MGA: variants seen among roughly 807,000 people sequenced by gnomAD.
MGA encodes MAX dimerization protein MGA.
MGA carries 40 observed loss-of-function variants against 261.1 expected under a neutral mutation model. The ratio of observed to expected loss-of-function variants is 0.15; its 90% CI spans 0.12 to 0.20. MGA has a LOEUF of 0.20. Ranked by LOEUF, MGA falls within the 10% of genes least tolerant of loss-of-function variation. The probability of loss-of-function intolerance (pLI) is 1.00; values close to 1 mark genes in which losing one functional copy is unlikely to be tolerated. For synonymous variants in MGA, 1,302 were observed against 1,290.6 expected (o/e 1.01, Z -0.19); for missense variants, 3,397 against 3,630.5 (o/e 0.94, Z 1.65).
In MGA at chr15:41,710,864, A is replaced by G. The variant is rs777935722; in HGVS notation, c.2599A>G (p.Thr867Ala). The change falls in exon 8 of 24, where the codon ACA becomes GCA. Residue 867 changes from threonine (T) to alanine (A), a missense_variant. Around this residue, in one of 9 missense-constraint regions of MGA, gnomAD observed 519 missense variants for 554.1 expected, o/e 0.94. Coordinates refer to ENST00000219905, the MANE Select transcript of MGA (RefSeq NM_001164273.2). ...CACTAAGAGTACCAGTTATGTACGA[A>G]CACTTGATAGTGTACTAAAGAAGCA... The G allele has an allele frequency of 6.2e-7, 1 of 1,613,950 alleles. No individual in the cohort carries two copies. Among genetic ancestry groups the G allele is most frequent in the Non-Finnish European group, 8.5e-7 (1 of 1,179,878 alleles).
intron 17 of MGA, chr15:41,750,834 G>T (rs926286106): frequency 2.5e-5 from 11 of 445,938 alleles, no homozygotes; most frequent in Non-Finnish European, 3.9e-5. Context: ...TTATGGGAAG[G>T]CTGGCTTAAA....
chr15:41,744,024 T>C (rs532945570), intron 15 of MGA, among the ~76,000 whole-genome samples: 8 of 152,258 alleles, frequency 5.3e-5, no homozygotes, highest in Admixed American at 2.0e-4. Context: ...GGGGAAATAA[T>C]TAACTAATAG....
At chr15:41,708,305 C>T (rs1209922208) in intron 7 of MGA, 97 bp downstream of exon 7, 10 of 893,152 alleles carry the variant, frequency 1.1e-5, no homozygotes, top group Admixed American at 5.5e-5. Context: ...CATTCCTTCT[C>T]GCCATGGGTT....
At position 41,727,051 on chromosome 15, in the gene MGA, G is replaced by T. The variant is rs574724480; in HGVS notation, c.3431-129G>T. On this transcript the variant is annotated intron_variant, in intron 9 of 23. Transcript: ENST00000219905. ...CTAAATGCCCTTTGTTTGGGGAGGGGGTCGTCTATTTGATTATTTTAACGA... is the reference window on the plus strand; with the variant it reads ...CTAAATGCCCTTTGTTTGGGGAGGGTGTCGTCTATTTGATTATTTTAACGA... 36 of 635,924 alleles carry T rather than the reference G, an allele frequency of 5.7e-5. No individual in the cohort carries two copies. In the Admixed American group the frequency reaches 1.1e-3, roughly 19 times the overall value. 39.4% of individuals were successfully genotyped at this position (635,924 alleles called of 1,614,324 possible).
intron 2 of MGA, among the ~76,000 whole-genome samples, chr15:41,683,986 T>A (rs1041164988): frequency 1.3e-5 from 2 of 152,174 alleles, no homozygotes; most frequent in African/African-American, 2.4e-5. Flanking sequence ...GTTAGTTACA[T>A]ACGGCATGCT....
chr15:41,767,410 G>GGGA lies in MGA; in HGVS notation c.*132_*134dup, dbSNP rs1338240643. 1.1e-6 allele frequency: 1 copy of GGGA among 930,312 alleles called. No homozygotes were observed. Among genetic ancestry groups the GGGA allele is most frequent in the Admixed American group, 2.6e-5 (1 of 38,774 alleles). 57.6% of individuals were successfully genotyped at this position (930,312 alleles called of 1,614,324 possible). On this transcript the variant is annotated 3_prime_UTR_variant, in exon 24 of 24. Transcript: ENST00000219905. The stretch of plus-strand genomic sequence containing the variant: ...CTTCAATGATGCAGTGGATAATGAT[G>GGGA]GGAGAAAGGGGGTAGGGTGCTGACC...
chr15:41,648,643 A>G (rs76113014), intron 1 of MGA, among the ~76,000 whole-genome samples: 5,044 of 152,216 alleles, frequency 0.033, 138 homozygotes, highest in South Asian at 0.081. Flanking sequence ...AAATAGAAAA[A>G]GCAGTGTAAG....
At chr15:41,739,557 T>C (rs1288771348) in intron 13 of MGA, among the ~76,000 whole-genome samples, 10 of 152,232 alleles carry the variant, frequency 6.6e-5, no homozygotes, top group Non-Finnish European at 5.9e-5. Flanking sequence ...ATGAGGTTAA[T>C]AGCTTAACCA....
chr15:41,685,084 A>G (rs1483684722), intron 2 of MGA, among the ~76,000 whole-genome samples: 4 of 152,192 alleles, frequency 2.6e-5, no homozygotes, highest in Non-Finnish European at 5.9e-5. Context: ...GAAAGGGGGA[A>G]GTTGTTTTGG....
At chr15:41,765,145 G>A in intron 23 of MGA, 83 bp downstream of exon 23, 2 of 1,444,782 alleles carry the variant, frequency 1.4e-6, no homozygotes, top group African/African-American at 1.4e-5. Flanking sequence ...CTTTGGATGT[G>A]TTCTGTAATG....
upstream of MGA, among the ~76,000 whole-genome samples, chr15:41,657,339 CTTTTTTTTTTTTTTTTTTTT>C (rs373920516): frequency 1.4e-4 from 15 of 106,920 alleles, no homozygotes; most frequent in Admixed American, 1.9e-4. Flanking sequence ...AGTGAAGGCC[CTTTTTTTTTTTTTTTTTTTT>C]TTTTTTTTTT....
chr15:41,694,501 G>C (rs1292322195), intron 2 of MGA, among the ~76,000 whole-genome samples: 1 of 151,208 alleles, frequency 6.6e-6, no homozygotes, highest in Non-Finnish European at 1.5e-5. Flanking sequence ...TTTTAGAGGA[G>C]GCATCCTGCT....
At chr15:41,692,844 T>G (rs1158915712) in intron 2 of MGA, among the ~76,000 whole-genome samples, 1 of 152,190 alleles carries the variant, frequency 6.6e-6, no homozygotes, top group Admixed American at 6.5e-5. Flanking sequence ...CCCGAGTAGC[T>G]GGGATTACAG....
chr15:41,749,003 T>G (rs982080890), intron 16 of MGA, 76 bp downstream of exon 16: 6 of 1,550,150 alleles, frequency 3.9e-6, no homozygotes, highest in Non-Finnish European at 2.6e-6. Context: ...ACCAAGATTG[T>G]TTTTCTTCAT....
intron 6 of MGA, 79 bp from the exon 7 acceptor site, chr15:41,708,025 T>TA (rs749685835): frequency 2.2e-6 from 3 of 1,388,254 alleles, no homozygotes; most frequent in African/African-American, 1.5e-5. Context: ...CTTACCAAAT[T>TA]AAAGTTTTAT....
chr15:41,724,327 C>A (rs1469340218), intron 9 of MGA, among the ~76,000 whole-genome samples: 1 of 152,162 alleles, frequency 6.6e-6, no homozygotes, highest in Non-Finnish European at 1.5e-5. Flanking sequence ...AAGTACCTAA[C>A]CATATTCCAA....
At chr15:41,654,802 C>G (rs747721724) in intron 1 of MGA, among the ~76,000 whole-genome samples, 1 of 152,194 alleles carries the variant, frequency 6.6e-6, no homozygotes, top group South Asian at 2.1e-4. Flanking sequence ...GCCCGAGCCA[C>G]TGTGCCTGAC....
intron 22 of MGA, among the ~76,000 whole-genome samples, chr15:41,763,550 CCTGA>C (rs148084762): frequency 0.022 from 3,276 of 151,832 alleles, 64 homozygotes; most frequent in Non-Finnish European, 0.029. Context: ...TTGAGACTAG[CCTGA>C]CTAACATGGA....
At chr15:41,641,468 A>G (rs1242935903) in intron 1 of MGA, among the ~76,000 whole-genome samples, 3 of 146,960 alleles carry the variant, frequency 2.0e-5, no homozygotes. Flanking sequence ...GAGAGTTCCA[A>G]TTTTTCTACA....
Sources: gnomAD v4.1 joint callset for allele counts (sites outside exome capture counted in the v4.1 genomes callset) on GRCh38, gnomAD v4.1.1 for gene constraint, gnomAD v4.1.1 regional missense constraint, MANE v1.5 for transcripts, NCBI Gene and HGNC (gene_info 2026-07-23, HGNC 2026-07-21) for gene names.